ASPDH: variants seen among roughly 807,000 people sequenced by gnomAD.
ASPDH encodes the protein aspartate dehydrogenase domain-containing protein.
ASPDH carries 25 observed loss-of-function variants against 30.5 expected under a neutral mutation model. The ratio of observed to expected loss-of-function variants is 0.82; its 90% CI spans 0.60 to 1.14. The LOEUF is 1.14. Among genes scored for constraint, ASPDH ranks in the 50% most tolerant of loss-of-function variants. ASPDH has a pLI of 0.00. For missense variants in ASPDH, 401 were observed against 381.5 expected (o/e 1.05, Z -0.43); for synonymous variants, 168 against 156.3 (o/e 1.07, Z -0.56).
Position 50,513,308 on chromosome 19 carries a change from GA to G in ASPDH, c.160del (p.Ser54ProfsTer26). 6.6e-7 allele frequency: 1 copy of G among 1,524,178 alleles called. No homozygotes were observed. Among genetic ancestry groups the G allele is most frequent in the Non-Finnish European group, 8.8e-7 (1 of 1,134,762 alleles). 94.4% of individuals were successfully genotyped at this position (1,524,178 alleles called of 1,614,324 possible). ...GGCAGCAAGGTTCTGGAGCTGCAGG[GA>G]AGGGGGCACGCTCCCTGCCATTCGT... is the stretch of plus-strand genomic sequence containing the variant. ...PGRMAGSVPP[S>X]LQLQNLAALG... is the part of the protein sequence containing the mutation. On this transcript the variant is annotated frameshift_variant, in exon 2 of 7. Transcript: ENST00000389208. LOFTEE classifies it high-confidence loss of function. The surrounding 1 kb of genome is among the most constrained non-coding windows in gnomAD (Gnocchi z 4.9).
At chr19:50,514,485 T>G (rs749925330), upstream of ASPDH, 27 of 1,614,006 alleles carry the variant, frequency 1.7e-5, no homozygotes, top group Non-Finnish European at 2.2e-5. Context: ...CACCTTGACT[T>G]GCTACCTTTC....
At position 50,513,096 on chromosome 19, in the gene ASPDH, T is replaced by C. The variant is rs1980062744; in HGVS notation, c.198-85A>G. 3 of 1,324,342 alleles carry C rather than the reference T, an allele frequency of 2.3e-6. No individual in the cohort carries two copies. The South Asian group carries it at 4.1e-5, about 18-fold the overall frequency. 82.0% of individuals were successfully genotyped at this position (1,324,342 alleles called of 1,614,324 possible). A position where few individuals can be genotyped will look rare whatever the true frequency, so the allele number is the denominator to read the frequency against. On this transcript the variant is annotated intron_variant, in intron 2 of 6. Coordinates refer to ENST00000389208, the MANE Select transcript of ASPDH (RefSeq NM_001114598.2). This position sits in a 1 kb window ranked among gnomAD's most constrained non-coding sequence, Gnocchi z 4.9. Reference sequence around the variant, plus strand: ...GGTTCCCTCCGAGTCTACTGAGGGCTGCCCTTCTTCTCCCTGACCTGGGAG... The same window carrying C: ...GGTTCCCTCCGAGTCTACTGAGGGCCGCCCTTCTTCTCCCTGACCTGGGAG...
upstream of ASPDH, chr19:50,514,866 C>A: frequency 1.0e-6 from 1 of 984,916 alleles, no homozygotes; most frequent in Non-Finnish European, 1.2e-6. Context: ...AGGAGACAGA[C>A]GCGGGCAGAC....
chr19:50,511,945 G>GGTGGGCACAGAGACTCAGGGGAC, intron 6 of ASPDH, 172 bp from the exon 7 acceptor site: 1 of 302,356 alleles, frequency 3.3e-6, no homozygotes. Context: ...CTCGATCAGA[G>GGTGGGCACAGAGACTCAGGGGAC]GCGGGCACAA....
chr19:50,512,532 C>T lies in ASPDH; in HGVS notation c.481G>A (p.Gly161Arg), dbSNP rs1323784512. Residue 161 changes from glycine to arginine, a missense_variant, in exon 5 of 7, where the codon GGA becomes AGA. Coordinates refer to ENST00000389208, the MANE Select transcript of ASPDH (RefSeq NM_001114598.2). ...ATHPDGFRLEGPLAAAHSPGP... is the reference protein window; with the variant it reads ...ATHPDGFRLERPLAAAHSPGP... ...GGGCTGTGGGCTGCAGCCAGGGGTC[C>T]CTCAAGCCGGAAGCCATCGGGGTGT... 6.5e-7 allele frequency: 1 copy of T among 1,536,268 alleles called. No individual in the cohort carries two copies. The highest frequency in any genetic ancestry group is 1.3e-5 in the South Asian group (1 of 78,216).
Position 50,512,933 on chromosome 19 carries a change from A to T in ASPDH, c.276T>A (p.Asn92Lys). 1 of 1,613,034 alleles carries T rather than the reference A, an allele frequency of 6.2e-7. No individual in the cohort carries two copies. The highest frequency in any genetic ancestry group is 1.3e-5 in the African/African-American group (1 of 75,012). The change falls in exon 3 of 7, where the codon AAT (asparagine) becomes AAA (lysine). Residue 92 changes from asparagine (N) to lysine (K), a missense_variant. By Grantham distance (94) the Asn-to-Lys change is moderately conservative. Coordinates refer to ENST00000389208, the MANE Select transcript of ASPDH (RefSeq NM_001114598.2). ...ESGAQILRHA[N>K]LLVGSPSALS... ...TGGTTGGGGTGGGGCTTACCAGGAGATTGGCATGGCGCAGGATTTGTGCCC... is the reference window on the plus strand; with the variant it reads ...TGGTTGGGGTGGGGCTTACCAGGAGTTTGGCATGGCGCAGGATTTGTGCCC...
In ASPDH at chr19:50,512,578, G is replaced by A; in HGVS notation, c.435C>T (p.Ser145=). Residue 145 remains serine, a splice_region_variant and synonymous_variant, in exon 5 of 7, where the codon AGC becomes AGT. Coordinates refer to ENST00000389208, the MANE Select transcript of ASPDH (RefSeq NM_001114598.2). ...GGTGTGTGGCCATGGTGACACGAAG[G>A]CTCTGGAAGCAAGAGCCCGGGTTAG... is the stretch of plus-strand genomic sequence containing the variant. ...RRLDAAGGLR[S]LRVTMATHPD... The A allele has an allele frequency of 1.3e-6, 2 of 1,526,766 alleles. No homozygotes were observed. The highest frequency in any genetic ancestry group is 1.8e-6 in the Non-Finnish European group (2 of 1,141,698). 94.6% of individuals were successfully genotyped at this position (1,526,766 alleles called of 1,614,324 possible).
upstream of ASPDH, chr19:50,514,775 GAGAA>G (rs1219647674): frequency 2.7e-6 from 3 of 1,093,082 alleles, no homozygotes; most frequent in Admixed American, 3.8e-5. Context: ...GGAGGCTGGA[GAGAA>G]AGAGAGCGTG....
rs928323244 is a variant in ASPDH, at chr19:50,512,452, G to A, written c.561C>T (p.Ala187=). ...EGPVRGLCPF[A]PRNSNTMAAA... ...CCGCCATGGTGTTGGAATTTCGCGG[G>A]GCAAAGGGGCAGAGCCCACGGACAG... The change falls in exon 5 of 7, where the codon GCC becomes GCT. Residue 187 remains alanine, a synonymous_variant. Coordinates refer to ENST00000389208, the MANE Select transcript of ASPDH (RefSeq NM_001114598.2). 3.7e-6 allele frequency: 6 copies of A among 1,607,320 alleles called. No individual in the cohort carries two copies. Among genetic ancestry groups the A allele is most frequent in the Non-Finnish European group, 1.7e-6 (2 of 1,177,246 alleles).
rs1416097783 is a variant in ASPDH at position 50,513,628 on chromosome 19, C to T, written c.52+144G>A. 13 of 773,378 alleles carry T rather than the reference C, an allele frequency of 1.7e-5. No homozygotes were observed. Among genetic ancestry groups the T allele is most frequent in the Non-Finnish European group, 2.8e-5 (13 of 470,682 alleles). The allele number at this position is 773,378 out of a possible 1,614,324, so 47.9% of individuals were successfully genotyped here. ...GAGACAGAGACGGAGAGGACAGAGA[C>T]CTGGGGTGGGGGTGCAGTGGGCAGA... On this transcript the variant is annotated intron_variant, in intron 1 of 6. Transcript: ENST00000389208. This position sits in a 1 kb window ranked among gnomAD's most constrained non-coding sequence, Gnocchi z 4.9.
chr19:50,513,318 C>G lies in ASPDH; in HGVS notation c.151G>C (p.Val51Leu), dbSNP rs755602844. 5 of 1,532,530 alleles carry G rather than the reference C, an allele frequency of 3.3e-6. No homozygotes were observed. Among genetic ancestry groups the G allele is most frequent in the Non-Finnish European group, 3.5e-6 (4 of 1,138,504 alleles). The allele number at this position is 1,532,530 out of a possible 1,614,324, so 94.9% of individuals were successfully genotyped here. The change falls in exon 2 of 7, where the codon GTG becomes CTG. Residue 51 changes from valine to leucine, a missense_variant. Coordinates refer to ENST00000389208, the MANE Select transcript of ASPDH (RefSeq NM_001114598.2). The surrounding 1 kb of genome is among the most constrained non-coding windows in gnomAD (Gnocchi z 4.9). ...NRDPGRMAGS[V>L]PPSLQLQNLA... ...TTCTGGAGCTGCAGGGAAGGGGGCA[C>G]GCTCCCTGCCATTCGTCCTGGGTCA... is the stretch of plus-strand genomic sequence containing the variant.
chr19:50,514,779 AAGAG>A (rs768834982), upstream of ASPDH: 199 of 1,166,490 alleles, frequency 1.7e-4, no homozygotes, highest in Admixed American at 7.2e-4. Context: ...GCTGGAGAGA[AAGAG>A]AGCGTGAACG....
chr19:50,513,874 G>T lies in ASPDH; in HGVS notation c.-51C>A, dbSNP rs990860403. Reference sequence around the variant, plus strand: ...TGGCTCCCTGGGCTGCTCGCTGCCCGCTGCACAAGGCCTGGGCAGCCGCTG... The same window carrying T: ...TGGCTCCCTGGGCTGCTCGCTGCCCTCTGCACAAGGCCTGGGCAGCCGCTG... On this transcript the variant is annotated 5_prime_UTR_variant, in exon 1 of 7. Coordinates refer to ENST00000389208, the MANE Select transcript of ASPDH (RefSeq NM_001114598.2). This position sits in a 1 kb window ranked among gnomAD's most constrained non-coding sequence, Gnocchi z 4.9. 2.0e-6 allele frequency: 3 copies of T among 1,535,136 alleles called. No individual in the cohort carries two copies. Among genetic ancestry groups the T allele is most frequent in the Admixed American group, 2.1e-5 (1 of 48,618 alleles).
upstream of ASPDH, chr19:50,514,817 G>GGGGGGCCCCC: frequency 2.1e-6 from 1 of 466,494 alleles, no homozygotes; most frequent in Non-Finnish European, 3.3e-6. Flanking sequence ...GGGGGGGCGG[G>GGGGGGCCCCC]CACTGGGTGG....
rs1980058855 is a variant in ASPDH at position 50,513,070 on chromosome 19, A to G, written c.198-59T>C. ...AGAGGTATTAGGCCTCTTCTCCCCA[A>G]GGTTCCCTCCGAGTCTACTGAGGGC... On this transcript the variant is annotated intron_variant, in intron 2 of 6. Transcript: ENST00000389208. This position sits in a 1 kb window ranked among gnomAD's most constrained non-coding sequence, Gnocchi z 4.9. The G allele has an allele frequency of 5.5e-6, 8 of 1,460,366 alleles. No individual in the cohort carries two copies. Among genetic ancestry groups the G allele is most frequent in the Middle Eastern group, 1.8e-4 (1 of 5,558 alleles). The allele number at this position is 1,460,366 out of a possible 1,614,324, so 90.5% of individuals were successfully genotyped here.
chr19:50,512,826 G>C lies in ASPDH; in HGVS notation c.283-16C>G. The C allele has an allele frequency of 6.2e-7, 1 of 1,602,528 alleles. No individual in the cohort carries two copies. The highest frequency in any genetic ancestry group is 1.1e-5 in the South Asian group (1 of 89,800). ...GGGACCCCACCTGGGGTGGATGAAG[G>C]AGGGGAGGGTTGAGGTCAGGGAAGG... On this transcript the variant is annotated splice_polypyrimidine_tract_variant and intron_variant, in intron 3 of 6. Transcript: ENST00000389208.
intron 4 of ASPDH, 32 bp downstream of exon 4, chr19:50,512,629 C>T (rs370396027): frequency 2.1e-5 from 32 of 1,512,936 alleles, no homozygotes; most frequent in Non-Finnish European, 2.7e-5. Context: ...TGCAGGCCTC[C>T]CCTGGTTCCT....
chr19:50,513,561 G>A lies in ASPDH; in HGVS notation c.53-145C>T, dbSNP rs1363714669. The A allele has an allele frequency of 6.7e-6, 6 of 889,842 alleles. No homozygotes were observed. The highest frequency in any genetic ancestry group is 1.0e-5 in the Non-Finnish European group (6 of 588,294). 55.1% of individuals were successfully genotyped at this position (889,842 alleles called of 1,614,324 possible). A position where few individuals can be genotyped will look rare whatever the true frequency, so the allele number is the denominator to read the frequency against. Reference sequence around the variant, plus strand: ...GGGTAGGGAGACAGAGATGGGGGCAGGGCAGAGACACAGTGGGGTGGACAG... The same window carrying A: ...GGGTAGGGAGACAGAGATGGGGGCAAGGCAGAGACACAGTGGGGTGGACAG... On this transcript the variant is annotated intron_variant, in intron 1 of 6. Coordinates refer to ENST00000389208, the MANE Select transcript of ASPDH (RefSeq NM_001114598.2). This position sits in a 1 kb window ranked among gnomAD's most constrained non-coding sequence, Gnocchi z 4.9.
Position 50,512,160 on chromosome 19 carries a change from T to G in ASPDH, c.784A>C (p.Thr262Pro). 1 of 1,579,594 alleles carries G rather than the reference T, an allele frequency of 6.3e-7. No homozygotes were observed. The highest frequency in any genetic ancestry group is 8.6e-7 in the Non-Finnish European group (1 of 1,167,582). Reference sequence around the variant, plus strand: ...CCCAGGAGGCTCTGCCAGAAGGCCGTGACGGTGGCGGAGCCGGTGACCGCG... The same window carrying G: ...CCCAGGAGGCTCTGCCAGAAGGCCGGGACGGTGGCGGAGCCGGTGACCGCG... ...PGAVTGSATVTAFWQSLLACC... is the reference protein window; with the variant it reads ...PGAVTGSATVPAFWQSLLACC... The change falls in exon 6 of 7, where the codon ACG (threonine) becomes CCG (proline). Residue 262 changes from threonine to proline, a missense_variant. Coordinates refer to ENST00000389208, the MANE Select transcript of ASPDH (RefSeq NM_001114598.2).
Sources: gnomAD v4.1 joint callset for allele counts on GRCh38, gnomAD v4.1.1 for gene constraint, Gnocchi (gnomAD v3.1) non-coding constraint, MANE v1.5 for transcripts, NCBI Gene and HGNC (gene_info 2026-07-23, HGNC 2026-07-21) for gene names.